The following PKIB variants were observed in gnomAD, a reference collection of about 807,000 sequenced individuals.
PKIB encodes PKI-beta.
In PKIB, 2 loss-of-function variants were observed where a neutral mutation model predicts 4.5. The ratio of observed to expected loss-of-function variants is 0.44; its 90% CI spans 0.18 to 1.39. PKIB has a LOEUF of 1.39. PKIB is among the 40% of genes most tolerant of loss of function. The pLI is 0.27. For synonymous variants in PKIB, 38 were observed against 36.0 expected, an observed-to-expected ratio of 1.06 and a Z score of -0.20; for missense variants, 94 against 92.6, an observed-to-expected ratio of 1.02 and a Z score of -0.06.
intron 3 of PKIB, among the ~76,000 whole-genome samples, chr6:122,599,684 T>G (rs534636783): frequency 5.9e-5 from 9 of 152,328 alleles, no homozygotes; most frequent in African/African-American, 1.9e-4. Context: ...AAAAGTATTA[T>G]GTATATGGTC....
At chr6:122,714,338 G>A (rs555350011) in intron 3 of PKIB, among the ~76,000 whole-genome samples, 4 of 152,244 alleles carry the variant, frequency 2.6e-5, no homozygotes, top group East Asian at 1.9e-4. Context: ...GTACAGCCCC[G>A]AAGTAAAACA....
chr6:122,699,299 A>G (rs1372931193), intron 3 of PKIB, among the ~76,000 whole-genome samples: 1 of 151,176 alleles, frequency 6.6e-6, no homozygotes, highest in Non-Finnish European at 1.5e-5. Context: ...ATATATATAT[A>G]TTGTGTCTCA....
In PKIB at chr6:122,700,173, G is replaced by T. The variant is rs1041898702; in HGVS notation, c.-8-17614G>T. Among the ~76,000 whole-genome samples, 56 of 128,616 alleles carry T rather than the reference G, an allele frequency of 4.4e-4. 1 individual carries two copies. The highest frequency in any genetic ancestry group is 1.1e-3 in the Admixed American group (13 of 11,866). The allele number at this position is 128,616 out of a possible 152,430, so 84.4% of individuals were successfully genotyped here. ...TAGATCTTTGTTTTAGGGTTCTGTTGTTGTTGTTGTTGTTGTTGTTGGTTC... is the reference window on the plus strand; with the variant it reads ...TAGATCTTTGTTTTAGGGTTCTGTTTTTGTTGTTGTTGTTGTTGTTGGTTC... On this transcript the variant is annotated intron_variant, in intron 3 of 4. Transcript: ENST00000368452.
At chr6:122,497,066 C>T (rs543703733) in intron 2 of PKIB, among the ~76,000 whole-genome samples, 1 of 152,266 alleles carries the variant, frequency 6.6e-6, no homozygotes, top group East Asian at 1.9e-4. Flanking sequence ...GATTGGGAGC[C>T]TATTTTCAGC....
At chr6:122,528,889 A>T (rs1395119614) in intron 2 of PKIB, among the ~76,000 whole-genome samples, 1 of 152,044 alleles carries the variant, frequency 6.6e-6, no homozygotes, top group Non-Finnish European at 1.5e-5. Context: ...AAAAAGAGAA[A>T]AGAGAAAAAA....
chr6:122,598,861 T>A (rs1774262595), intron 3 of PKIB, among the ~76,000 whole-genome samples: 2 of 152,172 alleles, frequency 1.3e-5, no homozygotes. Context: ...CCCTACTTAG[T>A]GGGCCCAAAT....
At chr6:122,540,728 G>T (rs1465786364) in intron 2 of PKIB, among the ~76,000 whole-genome samples, 4 of 151,928 alleles carry the variant, frequency 2.6e-5, no homozygotes. Flanking sequence ...TCAATTCCTG[G>T]GTAGTCCTTG....
At chr6:122,679,861 C>T (rs575175604) in intron 3 of PKIB, among the ~76,000 whole-genome samples, 6 of 152,214 alleles carry the variant, frequency 3.9e-5, no homozygotes, top group African/African-American at 1.4e-4. Context: ...TTGTGAACTC[C>T]AAAGAAGTGG....
At chr6:122,587,844 C>G (rs1213411478) in intron 3 of PKIB, among the ~76,000 whole-genome samples, 1 of 152,176 alleles carries the variant, frequency 6.6e-6, no homozygotes, top group African/African-American at 2.4e-5. Flanking sequence ...AGTGTCTGTT[C>G]ATATCCTTCG....
chr6:122,721,087 G>A (rs560782546), intron 4 of PKIB, among the ~76,000 whole-genome samples: 1 of 152,260 alleles, frequency 6.6e-6, no homozygotes, highest in Non-Finnish European at 1.5e-5. Context: ...CAAGCCACAT[G>A]AGTAGATTAC....
At chr6:122,644,745 C>A (rs1776245613) in intron 2 of PKIB, 2 of 141,676 alleles carry the variant, frequency 1.4e-5, no homozygotes, top group South Asian at 4.3e-4. Context: ...TTCAATACAT[C>A]TTGAAATTAT....
chr6:122,513,941 A>G lies in PKIB; in HGVS notation c.-248+36002A>G, dbSNP rs144059768. On this transcript the variant is annotated intron_variant, in intron 2 of 6. Transcript: ENST00000392491. ...AACTTCACTAAGACCTGAAGCAATAAGAAACTGTGAATCTCTTTCTAGGTC... is the reference window on the plus strand; with the variant it reads ...AACTTCACTAAGACCTGAAGCAATAGGAAACTGTGAATCTCTTTCTAGGTC... Among the ~76,000 whole-genome samples the G allele has an allele frequency of 2.4e-3, 369 of 152,362 alleles. 2 individuals are homozygous for G. Among genetic ancestry groups the G allele is most frequent in the African/African-American group, 8.5e-3 (353 of 41,586 alleles).
At chr6:122,712,692 T>C (rs1468199434) in intron 3 of PKIB, among the ~76,000 whole-genome samples, 1 of 152,184 alleles carries the variant, frequency 6.6e-6, no homozygotes, top group Non-Finnish European at 1.5e-5. Context: ...AAGAAGTTTA[T>C]TTGAAGTCTT....
chr6:122,589,909 A>G lies in PKIB; in HGVS notation c.-161+3902A>G, dbSNP rs566837056. Reference sequence around the variant, plus strand: ...AATAAGTGATCCTCAAATATTTGCAATGCATAGTCTCTGTTAAAGTTCAGA... The same window carrying G: ...AATAAGTGATCCTCAAATATTTGCAGTGCATAGTCTCTGTTAAAGTTCAGA... On this transcript the variant is annotated intron_variant, in intron 3 of 6. Transcript: ENST00000392491. 1.6e-4 allele frequency among the ~76,000 whole-genome samples: 25 copies of G among 152,326 alleles called. No homozygotes were observed. The East Asian group carries it at 4.2e-3, about 26-fold the overall frequency.
intron 3 of PKIB, among the ~76,000 whole-genome samples, chr6:122,601,735 T>G (rs1400231452): frequency 1.3e-5 from 2 of 152,190 alleles, no homozygotes; most frequent in East Asian, 3.9e-4. Context: ...AACATTTTCT[T>G]TTGTCTGGCT....
chr6:122,566,876 C>A (rs1407273957), intron 2 of PKIB, among the ~76,000 whole-genome samples: 2 of 151,942 alleles, frequency 1.3e-5, no homozygotes, highest in African/African-American at 4.8e-5. Flanking sequence ...ATGGACTTTC[C>A]CTTAGTAGGA....
At chr6:122,488,778 T>C (rs1195611249) in intron 2 of PKIB, among the ~76,000 whole-genome samples, 1 of 152,228 alleles carries the variant, frequency 6.6e-6, no homozygotes, top group Non-Finnish European at 1.5e-5. Flanking sequence ...TAATTGCTTC[T>C]AGGCTTTCCC....
intron 3 of PKIB, among the ~76,000 whole-genome samples, chr6:122,676,184 A>C (rs968049698): frequency 6.6e-6 from 1 of 151,768 alleles, no homozygotes; most frequent in Admixed American, 6.6e-5. Context: ...ACAGATCATC[A>C]GGCATTAGAT....
At chr6:122,605,248 ACT>A (rs371722881), upstream of PKIB, among the ~76,000 whole-genome samples, 29 of 152,092 alleles carry the variant, frequency 1.9e-4, no homozygotes, top group East Asian at 5.0e-3. Flanking sequence ...TCACATCATC[ACT>A]CTGCAAATAA....
Sources: gnomAD v4.1 joint callset for allele counts (sites outside exome capture counted in the v4.1 genomes callset) on GRCh38, gnomAD v4.1.1 for gene constraint, MANE v1.5 for transcripts, NCBI Gene and HGNC (gene_info 2026-07-23, HGNC 2026-07-21) for gene names.